Variants in RMC1 observed in about 807,000 individuals in gnomAD.
RMC1 encodes the protein regulator of MON1-CCZ1 complex.
In RMC1, 44 loss-of-function variants were observed where a neutral mutation model predicts 95.5. That is an observed-to-expected ratio of 0.46 (90% CI 0.36 to 0.59). The LOEUF (loss-of-function observed/expected upper bound fraction) is 0.59. Among genes scored for constraint, RMC1 ranks in the 20% least tolerant of loss-of-function variants. The pLI is 0.00. For synonymous variants in RMC1, 320 were observed against 303.6 expected (o/e 1.05, Z -0.56); for missense variants, 705 against 819.6 (o/e 0.86, Z 1.71).
chr18:23,524,381 C>T (rs753755942), intron 11 of RMC1, 48 bp from the exon 12 acceptor site: 1 of 1,605,600 alleles, frequency 6.2e-7, no homozygotes, highest in Admixed American at 1.7e-5. Flanking sequence ...ACTGGGTTTG[C>T]TTTTTGTTTT....
chr18:23,519,237 G>T lies in RMC1; in HGVS notation c.849+63G>T, dbSNP rs1196924850. ...CTTAAAAGCCTTGTGAAAATTGGTG[G>T]CTGGGCACGGTGGATCACGCCTGTA... On this transcript the variant is annotated intron_variant, in intron 9 of 19. Coordinates refer to ENST00000269221, the MANE Select transcript of RMC1 (RefSeq NM_013326.5). 6 of 1,454,696 alleles carry T rather than the reference G, an allele frequency of 4.1e-6. No homozygotes were observed. The Admixed American group carries it at 1.0e-4, about 25-fold the overall frequency. The allele number at this position is 1,454,696 out of a possible 1,614,324, so 90.1% of individuals were successfully genotyped here. A position where few individuals can be genotyped will look rare whatever the true frequency, so the allele number is the denominator to read the frequency against.
chr18:23,512,807 G>A (rs182882611), intron 5 of RMC1, among the ~76,000 whole-genome samples: 10 of 152,200 alleles, frequency 6.6e-5, no homozygotes, highest in Admixed American at 4.6e-4. Context: ...GTTCAGTTCA[G>A]TAGTGTTAAG....
intron 5 of RMC1, among the ~76,000 whole-genome samples, chr18:23,512,177 C>T (rs866818897): frequency 1.3e-5 from 2 of 151,776 alleles, no homozygotes; most frequent in African/African-American, 2.4e-5. Context: ...CCCAGCACCA[C>T]GCCTGGCTAA....
chr18:23,507,333 C>T (rs2057740954), intron 3 of RMC1, among the ~76,000 whole-genome samples: 1 of 152,146 alleles, frequency 6.6e-6, no homozygotes, highest in South Asian at 2.1e-4. Context: ...GATCTCGGCT[C>T]ACTGCAGCCT....
At chr18:23,524,071 A>C in intron 10 of RMC1, 59 bp from the exon 11 acceptor site, 1 of 1,541,718 alleles carries the variant, frequency 6.5e-7, no homozygotes, top group Non-Finnish European at 9.0e-7. Flanking sequence ...TGTCATAAGT[A>C]CCAGCATTTG....
Position 23,520,192 on chromosome 18 carries a change from T to C in RMC1, c.850-10T>C, listed in dbSNP as rs1292692631. 35 of 1,607,082 alleles carry C rather than the reference T, an allele frequency of 2.2e-5. No homozygotes were observed. Among genetic ancestry groups the C allele is most frequent in the African/African-American group, 6.7e-5 (5 of 74,712 alleles). On this transcript the variant is annotated splice_polypyrimidine_tract_variant and intron_variant, in intron 9 of 19. Coordinates refer to ENST00000269221, the MANE Select transcript of RMC1 (RefSeq NM_013326.5). ...GATTTTGGCCTCAGTCTTGTCTTTT[T>C]CCCCCCCAGACATCGGTAATATTCG... is the stretch of plus-strand genomic sequence containing the variant.
chr18:23,506,902 C>T (rs1007968490), intron 2 of RMC1, 68 bp from the exon 3 acceptor site: 3 of 1,092,036 alleles, frequency 2.7e-6, no homozygotes, highest in African/African-American at 1.6e-5. Flanking sequence ...GTGTCTTTTG[C>T]CTTTTCAATA....
In RMC1 at chr18:23,516,103, C is replaced by G; in HGVS notation, c.549+107C>G. The G allele has an allele frequency of 2.6e-6, 4 of 1,519,796 alleles. No homozygotes were observed. In the South Asian group the frequency reaches 4.7e-5, roughly 18 times the overall value. The allele number at this position is 1,519,796 out of a possible 1,614,324, so 94.1% of individuals were successfully genotyped here. A position where few individuals can be genotyped will look rare whatever the true frequency, so the allele number is the denominator to read the frequency against. ...TAGGGACAGGTTCCTCTAGCCGTAA[C>G]GTCACCGCTCTGACCACTAGAGGGC... On this transcript the variant is annotated intron_variant, in intron 6 of 19. Transcript: ENST00000269221.
At chr18:23,511,008 C>T (rs1346414576) in intron 5 of RMC1, among the ~76,000 whole-genome samples, 2 of 152,156 alleles carry the variant, frequency 1.3e-5, no homozygotes, top group Non-Finnish European at 2.9e-5. Context: ...ATTATTCTAC[C>T]ATAAAGGCAC....
Position 23,504,431 on chromosome 18 carries a change from A to C in RMC1, c.163A>C (p.Asn55His). 2 of 1,613,638 alleles carry C rather than the reference A, an allele frequency of 1.2e-6. No homozygotes were observed. Among genetic ancestry groups the C allele is most frequent in the Non-Finnish European group, 1.7e-6 (2 of 1,179,488 alleles). The change falls in exon 2 of 20, where the codon AAT becomes CAT. Residue 55 changes from asparagine to histidine, a missense_variant. Coordinates refer to ENST00000269221, the MANE Select transcript of RMC1 (RefSeq NM_013326.5). ...GVVVKGPDDR[N>H]PISFRMDDKG... ...GGTAGTTAAAGGCCCAGATGATAGG[A>C]ATCCCATCTCATTTAGGTAATGGTA...
At chr18:23,525,319 C>T (rs1397121549) in intron 12 of RMC1, among the ~76,000 whole-genome samples, 1 of 152,144 alleles carries the variant, frequency 6.6e-6, no homozygotes, top group African/African-American at 2.4e-5. Flanking sequence ...GCTATCTCAG[C>T]TTACTGCAGC....
intron 19 of RMC1, among the ~76,000 whole-genome samples, chr18:23,531,152 G>A (rs953121145): frequency 2.6e-5 from 4 of 151,972 alleles, no homozygotes; most frequent in African/African-American, 9.7e-5. Context: ...CACCACACCC[G>A]GCTGATTTTT....
chr18:23,504,583 T>C (rs2057667286), intron 2 of RMC1, 136 bp downstream of exon 2: 1 of 703,336 alleles, frequency 1.4e-6, no homozygotes, highest in African/African-American at 1.8e-5. Flanking sequence ...ATGGAATTCC[T>C]GTCTGTAGGG....
intron 19 of RMC1, 132 bp from the exon 20 acceptor site, chr18:23,531,493 C>A (rs1397562317): frequency 2.0e-6 from 3 of 1,465,900 alleles, no homozygotes; most frequent in Non-Finnish European, 1.8e-6. Context: ...AGGGTAACCC[C>A]AAAACTTAGG....
intron 5 of RMC1, among the ~76,000 whole-genome samples, chr18:23,511,164 A>T (rs1314616540): frequency 6.6e-6 from 1 of 152,246 alleles, no homozygotes; most frequent in Admixed American, 6.5e-5. Context: ...GAACAAGATC[A>T]TGTCTTTTGT....
At position 23,524,159 on chromosome 18, in the gene RMC1, G is replaced by A. The variant is rs2058226104; in HGVS notation, c.991G>A (p.Val331Ile). ...TGCTGCCGTGACCAGCCAGTCTCCT[G>A]TTCCATGTAAACTCTGTATCCTTTA... ...GPAAVTSQSP[V>I]PCKLYSSSWI... The change falls in exon 11 of 20, where the codon GTT becomes ATT. Residue 331 changes from valine to isoleucine, a missense_variant. Physicochemically the swap from Val to Ile is conservative, Grantham distance 29. Transcript: ENST00000269221. 8 of 1,613,934 alleles carry A rather than the reference G, an allele frequency of 5.0e-6. No homozygotes were observed. The highest frequency in any genetic ancestry group is 6.8e-6 in the Non-Finnish European group (8 of 1,180,044).
intron 12 of RMC1, among the ~76,000 whole-genome samples, chr18:23,524,941 CTTTTTT>C (rs5823396): frequency 4.3e-5 from 3 of 69,210 alleles, no homozygotes; most frequent in Non-Finnish European, 7.6e-5. Context: ...TTAGAGAAAT[CTTTTTT>C]TTTTTTTTTT....
intron 10 of RMC1, among the ~76,000 whole-genome samples, chr18:23,523,543 C>CA (rs374224848): frequency 0.024 from 1,852 of 76,296 alleles, 268 homozygotes; most frequent in African/African-American, 0.082. Context: ...CTTGTCTTCA[C>CA]AAAAAAAAAA....
At position 23,531,775 on chromosome 18, in the gene RMC1, C is replaced by T. The variant is rs1027977124; in HGVS notation, c.*71C>T. 58 of 1,569,298 alleles carry T rather than the reference C, an allele frequency of 3.7e-5. No homozygotes were observed. Among genetic ancestry groups the T allele is most frequent in the Non-Finnish European group, 4.8e-5 (56 of 1,164,268 alleles). ...TATTGCATTAATAAAGCTCTTTAAA[C>T]TATAAAATGTTATAAAGTGTATCTA... On this transcript the variant is annotated 3_prime_UTR_variant, in exon 20 of 20. Coordinates refer to ENST00000269221, the MANE Select transcript of RMC1 (RefSeq NM_013326.5).
Sources: allele counts gnomAD v4.1 joint callset (sites outside exome capture counted in the v4.1 genomes callset), GRCh38; gene constraint gnomAD v4.1.1; transcripts MANE v1.5; gene names NCBI Gene and HGNC (gene_info 2026-07-23, HGNC 2026-07-21).